The following CNTNAP5 variants were observed in gnomAD, a reference collection of about 807,000 sequenced individuals.
The protein encoded by CNTNAP5 is contactin associated protein family member 5.
Under a neutral mutation model 150.2 loss-of-function variants are expected in CNTNAP5, and 72 were observed. The ratio of observed to expected loss-of-function variants is 0.48; its 90% CI spans 0.40 to 0.58. The LOEUF (loss-of-function observed/expected upper bound fraction) is 0.58, where lower values mean the gene tolerates loss of function less well. CNTNAP5 is among the 20% of genes least tolerant of loss of function. The pLI, the probability that CNTNAP5 is intolerant of heterozygous loss-of-function variation, is 0.00. For synonymous variants in CNTNAP5, 672 were observed against 619.8 expected (o/e 1.08, Z -1.25); for missense variants, 1,636 against 1,626.2 (o/e 1.01, Z -0.10).
intron 8 of CNTNAP5, among the ~76,000 whole-genome samples, chr2:124,510,516 T>TATATATATATATATATAC (rs1553474741): frequency 8.1e-6 from 1 of 123,214 alleles, no homozygotes; most frequent in African/African-American, 3.4e-5. Flanking sequence ...TATATATATA[T>TATATATATATATATATAC]ATACATATAT....
At chr2:124,651,358 A>G (rs1197599237) in intron 13 of CNTNAP5, among the ~76,000 whole-genome samples, 1 of 152,232 alleles carries the variant, frequency 6.6e-6, no homozygotes, top group Non-Finnish European at 1.5e-5. Flanking sequence ...AATGGATACA[A>G]TATAAGAAGG....
Position 124,733,301 on chromosome 2 carries a change from A to G in CNTNAP5, c.2078-13928A>G, listed in dbSNP as rs1251479336. Among the ~76,000 whole-genome samples, 2 of 152,180 alleles carry G rather than the reference A, an allele frequency of 1.3e-5. 1 individual carries two copies. On this transcript the variant is annotated intron_variant, in intron 13 of 23. Transcript: ENST00000682447. ...AGGAATTTAAGAGAAATAGCCCGAT[A>G]TAAGATAGTATGCAGTCAGTCAATA...
At chr2:124,559,915 A>G (rs1458223972) in intron 10 of CNTNAP5, among the ~76,000 whole-genome samples, 4 of 152,034 alleles carry the variant, frequency 2.6e-5, no homozygotes, top group Non-Finnish European at 5.9e-5. Context: ...CTCATTTATT[A>G]TTATTTTTTC....
intron 11 of CNTNAP5, among the ~76,000 whole-genome samples, chr2:124,600,988 G>A (rs1177561666): frequency 1.3e-5 from 2 of 152,098 alleles, no homozygotes; most frequent in African/African-American, 2.4e-5. Context: ...TGCAAGTGAA[G>A]GTGAAGGTAA....
chr2:124,337,151 CT>C (rs1558856720), intron 3 of CNTNAP5, among the ~76,000 whole-genome samples: 1 of 152,026 alleles, frequency 6.6e-6, no homozygotes, highest in African/African-American at 2.4e-5. Flanking sequence ...TTTCATGTGT[CT>C]TTTGGCTGCA....
intron 2 of CNTNAP5, among the ~76,000 whole-genome samples, chr2:124,233,452 G>A (rs970914192): frequency 1.3e-5 from 2 of 152,086 alleles, no homozygotes; most frequent in Admixed American, 6.6e-5. Flanking sequence ...ACTTCTTAGA[G>A]CACTGAAACT....
In CNTNAP5 at chr2:124,916,438, T is replaced by C. The variant is rs916383077; in HGVS notation, c.*2150T>C. On this transcript the variant is annotated 3_prime_UTR_variant, in exon 24 of 24. Coordinates refer to ENST00000682447, the MANE Select transcript of CNTNAP5 (RefSeq NM_001367498.1). The stretch of plus-strand genomic sequence containing the variant: ...CCTTTTGCTTGGCTATATATTCCTT[T>C]GTCCCCTGAAATAAAAGTCACCATG... Among the ~76,000 whole-genome samples the C allele has an allele frequency of 6.6e-6, 1 of 152,042 alleles. No homozygotes were observed. The highest frequency in any genetic ancestry group is 1.5e-5 in the Non-Finnish European group (1 of 67,996).
chr2:124,220,515 A>G (rs1686277940), intron 1 of CNTNAP5, among the ~76,000 whole-genome samples: 1 of 152,164 alleles, frequency 6.6e-6, no homozygotes, highest in Non-Finnish European at 1.5e-5. Context: ...ATACAAACAG[A>G]TAAGTGAATT....
chr2:124,045,265 C>T (rs947163873), intron 1 of CNTNAP5, among the ~76,000 whole-genome samples: 4 of 149,740 alleles, frequency 2.7e-5, no homozygotes, highest in Non-Finnish European at 5.9e-5. Flanking sequence ...AAATGTCTTT[C>T]GCCAAACTTT....
chr2:124,912,802 G>C (rs551145234), intron 23 of CNTNAP5, among the ~76,000 whole-genome samples: 1 of 152,164 alleles, frequency 6.6e-6, no homozygotes, highest in South Asian at 2.1e-4. Context: ...ATTCCTGGAG[G>C]CTTGCACAGC....
intron 1 of CNTNAP5, among the ~76,000 whole-genome samples, chr2:124,126,304 C>G (rs1221424483): frequency 6.6e-6 from 1 of 152,172 alleles, no homozygotes; most frequent in South Asian, 2.1e-4. Flanking sequence ...ACTAGAAAAT[C>G]TAGAAGAAAT....
At chr2:124,122,134 T>C (rs1683577634) in intron 1 of CNTNAP5, among the ~76,000 whole-genome samples, 1 of 152,140 alleles carries the variant, frequency 6.6e-6, no homozygotes, top group Non-Finnish European at 1.5e-5. Flanking sequence ...GTCTTATTTC[T>C]TCCTGCCACC....
intron 3 of CNTNAP5, among the ~76,000 whole-genome samples, chr2:124,314,028 T>C (rs1420878118): frequency 1.2e-4 from 18 of 152,218 alleles, no homozygotes; most frequent in Admixed American, 1.1e-3. Flanking sequence ...TAGCTTTTGA[T>C]GTGTTGGCCC....
intron 3 of CNTNAP5, among the ~76,000 whole-genome samples, chr2:124,251,533 A>G (rs539331086): frequency 3.3e-5 from 5 of 151,430 alleles, no homozygotes; most frequent in Admixed American, 2.6e-4. Context: ...CCAAAGAATC[A>G]TGGACCCCTA....
At chr2:124,609,437 T>TA (rs1209017007) in intron 11 of CNTNAP5, among the ~76,000 whole-genome samples, 2 of 152,108 alleles carry the variant, frequency 1.3e-5, no homozygotes, top group Non-Finnish European at 2.9e-5. Context: ...AACATTTTTT[T>TA]AAAAAAATTA....
chr2:124,624,323 T>C (rs115945778), intron 12 of CNTNAP5, among the ~76,000 whole-genome samples: 2 of 152,224 alleles, frequency 1.3e-5, no homozygotes, highest in Non-Finnish European at 2.9e-5. Flanking sequence ...CCCACATGGA[T>C]GGTAGCAGGA....
intron 13 of CNTNAP5, among the ~76,000 whole-genome samples, chr2:124,714,344 C>A (rs978216804): frequency 6.6e-6 from 1 of 152,088 alleles, no homozygotes; most frequent in Non-Finnish European, 1.5e-5. Context: ...ATTTGTAGTT[C>A]AGAAAATGTT....
chr2:124,262,451 T>G (rs757822715), intron 3 of CNTNAP5, among the ~76,000 whole-genome samples: 9 of 152,298 alleles, frequency 5.9e-5, no homozygotes, highest in East Asian at 1.9e-4. Flanking sequence ...TTTGCTAACA[T>G]TGCTATTGCT....
At chr2:124,548,244 C>T (rs761057184) in intron 10 of CNTNAP5, among the ~76,000 whole-genome samples, 1 of 152,138 alleles carries the variant, frequency 6.6e-6, no homozygotes, top group East Asian at 1.9e-4. Context: ...AGAACAGGCA[C>T]GATGTCAGGG....
Sources: allele counts gnomAD v4.1 joint callset (sites outside exome capture counted in the v4.1 genomes callset), GRCh38; gene constraint gnomAD v4.1.1; transcripts MANE v1.5; gene names NCBI Gene and HGNC (gene_info 2026-07-23, HGNC 2026-07-21).